The following KLK9 variants were observed in gnomAD, a reference collection of about 807,000 sequenced individuals.
KLK9 encodes the protein kallikrein-9.
A neutral mutation model predicts 23.3 loss-of-function variants in KLK9; 26 were observed. That is an observed-to-expected ratio of 1.12 (90% CI 0.82 to 1.55). The LOEUF (loss-of-function observed/expected upper bound fraction) is 1.55. KLK9 is among the 40% of genes most tolerant of loss of function. KLK9 has a pLI of 0.00. For synonymous variants in KLK9, 122 were observed against 128.5 expected (o/e 0.95, Z 0.34); for missense variants, 346 against 333.7 (o/e 1.04, Z -0.29).
At chr19:51,004,831 C>T (rs1156995365) in intron 3 of KLK9, among the ~76,000 whole-genome samples, 2 of 152,018 alleles carry the variant, frequency 1.3e-5, no homozygotes, top group East Asian at 1.9e-4. Flanking sequence ...GACAGAGATA[C>T]CAGATACAGT....
At chr19:51,003,624 C>T in intron 4 of KLK9, 80 bp downstream of exon 4, 1 of 1,282,800 alleles carries the variant, frequency 7.8e-7, no homozygotes, top group Non-Finnish European at 1.1e-6. Flanking sequence ...CCCAGGAAGG[C>T]TGGGGGCCGA....
Position 51,006,768 on chromosome 19 carries a change from G to C in KLK9, c.201-45C>G, listed in dbSNP as rs1466030710. On this transcript the variant is annotated intron_variant, in intron 2 of 4. Coordinates refer to ENST00000594211, the MANE Select transcript of KLK9 (RefSeq NM_012315.2). This position sits in a 1 kb window ranked among gnomAD's most constrained non-coding sequence, Gnocchi z 4.1. ...AGGTCAAGCTGGGGGAAAGGTAAAA[G>C]TCCTTTCAGCCCCAGCCCTCTTTTC... 6.6e-7 allele frequency: 1 copy of C among 1,512,408 alleles called. No individual in the cohort carries two copies. Among genetic ancestry groups the C allele is most frequent in the Non-Finnish European group, 8.9e-7 (1 of 1,129,272 alleles). 93.7% of individuals were successfully genotyped at this position (1,512,408 alleles called of 1,614,324 possible).
chr19:51,008,900 T>C (rs1460598726), intron 2 of KLK9, among the ~76,000 whole-genome samples: 1 of 152,224 alleles, frequency 6.6e-6, no homozygotes, highest in Non-Finnish European at 1.5e-5. Flanking sequence ...GCTGAGGCTA[T>C]TGCAGAATTT....
chr19:51,004,843 T>C (rs1297458590), intron 3 of KLK9, among the ~76,000 whole-genome samples: 1 of 152,120 alleles, frequency 6.6e-6, no homozygotes, highest in African/African-American at 2.4e-5. Flanking sequence ...AGATACAGTG[T>C]AGTCAGTATA....
In KLK9 at chr19:51,003,033, TG is replaced by T; in HGVS notation, c.*77del. The T allele has an allele frequency of 6.6e-7, 1 of 1,508,792 alleles. No individual in the cohort carries two copies. The highest frequency in any genetic ancestry group is 1.9e-5 in the Admixed American group (1 of 53,032). The allele number at this position is 1,508,792 out of a possible 1,614,324, so 93.5% of individuals were successfully genotyped here. A position where few individuals can be genotyped will look rare whatever the true frequency, so the allele number is the denominator to read the frequency against. ...GGTCCAGGGCGGGAACCATTGAGGC[TG>T]GGACCCTACGAGAACCCCCTACCCC... On this transcript the variant is annotated 3_prime_UTR_variant, in exon 5 of 5. Transcript: ENST00000594211.
At chr19:51,005,531 T>A (rs1285542917) in intron 3 of KLK9, among the ~76,000 whole-genome samples, 1 of 152,112 alleles carries the variant, frequency 6.6e-6, no homozygotes, top group Non-Finnish European at 1.5e-5. Context: ...GTATGGATGG[T>A]CACTTTTCAG....
In KLK9 at chr19:51,006,871, G is replaced by T; in HGVS notation, c.201-148C>A. Reference sequence around the variant, plus strand: ...CCCTCATCATCTATGTCTGGCCCAGGGTACTGTGATTTTAAGCGAGGCACA... The same window carrying T: ...CCCTCATCATCTATGTCTGGCCCAGTGTACTGTGATTTTAAGCGAGGCACA... On this transcript the variant is annotated intron_variant, in intron 2 of 4. Transcript: ENST00000594211. The surrounding 1 kb of genome is among the most constrained non-coding windows in gnomAD (Gnocchi z 4.1). 1.1e-6 allele frequency: 1 copy of T among 896,662 alleles called. No homozygotes were observed. 55.5% of individuals were successfully genotyped at this position (896,662 alleles called of 1,614,324 possible). A position where few individuals can be genotyped will look rare whatever the true frequency, so the allele number is the denominator to read the frequency against.
At chr19:51,008,469 G>A (rs2091264607) in intron 2 of KLK9, among the ~76,000 whole-genome samples, 1 of 151,894 alleles carries the variant, frequency 6.6e-6, no homozygotes, top group African/African-American at 2.4e-5. Flanking sequence ...AATATTCTAG[G>A]ATACTGTGAA....
chr19:51,008,521 T>C (rs1384462043), intron 2 of KLK9, among the ~76,000 whole-genome samples: 6 of 152,124 alleles, frequency 3.9e-5, no homozygotes, highest in Non-Finnish European at 7.4e-5. Context: ...TCAATGAATC[T>C]AGAAAGCTCT....
intron 2 of KLK9, among the ~76,000 whole-genome samples, chr19:51,007,996 C>G (rs28492075): frequency 1.3e-5 from 2 of 151,912 alleles, no homozygotes; most frequent in African/African-American, 2.4e-5. Context: ...TGAATTAAAT[C>G]TAAGATTTGA....
Position 51,006,510 on chromosome 19 carries a change from G to A in KLK9, c.414C>T (p.Ser138=). The part of the protein sequence containing the change: ...QPLNLSQTCV[S]PGMQCLISGW... ...CTGAGATGAGACACTGCATGCCTGG[G>A]GAGACACAGGTCTGGCTGAGGTTGA... The change falls in exon 3 of 5, where the codon TCC becomes TCT. Residue 138 remains serine, a synonymous_variant. Transcript: ENST00000594211. The surrounding 1 kb of genome is among the most constrained non-coding windows in gnomAD (Gnocchi z 4.1). 2 of 1,613,250 alleles carry A rather than the reference G, an allele frequency of 1.2e-6. No individual in the cohort carries two copies. The highest frequency in any genetic ancestry group is 1.7e-6 in the Non-Finnish European group (2 of 1,179,464).
chr19:51,002,585 T>TC lies in KLK9; in HGVS notation c.*525dup. On this transcript the variant is annotated 3_prime_UTR_variant, in exon 5 of 5. Coordinates refer to ENST00000594211, the MANE Select transcript of KLK9 (RefSeq NM_012315.2). ...AAGGTATCCAGACCCTCCCTCAATTTCCCCCCAGGTCTCCGCCAGGATTCA... is the reference window on the plus strand; with the variant it reads ...AAGGTATCCAGACCCTCCCTCAATTTCCCCCCCAGGTCTCCGCCAGGATTCA... 6.5e-6 allele frequency: 1 copy of TC among 153,086 alleles called. No homozygotes were observed. The highest frequency in any genetic ancestry group is 1.5e-5 in the Non-Finnish European group (1 of 68,870). The allele number at this position is 153,086 out of a possible 1,614,324, so 9.5% of individuals were successfully genotyped here.
intron 2 of KLK9, among the ~76,000 whole-genome samples, chr19:51,007,738 G>A (rs2091261145): frequency 6.6e-6 from 1 of 152,018 alleles, no homozygotes. Flanking sequence ...TACTCATGGA[G>A]GGAAGAAAAT....
At chr19:51,003,863 A>G in intron 3 of KLK9, 23 bp from the exon 4 acceptor site, 1 of 1,610,494 alleles carries the variant, frequency 6.2e-7, no homozygotes, top group Non-Finnish European at 8.5e-7. Flanking sequence ...AGAACTGTCA[A>G]GGATCTGCAA....
rs374641889 is a variant in KLK9, at chr19:51,002,900, T to C, written c.*211A>G. The C allele has an allele frequency of 7.1e-6, 4 of 564,652 alleles. No individual in the cohort carries two copies. The highest frequency in any genetic ancestry group is 5.6e-5 in the South Asian group (2 of 35,486). The allele number at this position is 564,652 out of a possible 1,614,324, so 35.0% of individuals were successfully genotyped here. A position where few individuals can be genotyped will look rare whatever the true frequency, so the allele number is the denominator to read the frequency against. On this transcript the variant is annotated 3_prime_UTR_variant, in exon 5 of 5. Coordinates refer to ENST00000594211, the MANE Select transcript of KLK9 (RefSeq NM_012315.2). ...ATAGAGACGGGCTCTGAAGGGCGTG[T>C]CCCTGCTCCGTTCCGAGGGGGCGCG...
Position 51,009,280 on chromosome 19 carries a change from G to C in KLK9, c.103C>G (p.Pro35Ala), listed in dbSNP as rs142241854. 4.3e-4 allele frequency: 694 copies of C among 1,604,110 alleles called. No homozygotes were observed. The highest frequency in any genetic ancestry group is 1.1e-3 in the South Asian group (102 of 89,198). ...GAEECRPNSQ[P>A]WQAGLFHLTR... is the part of the protein sequence containing the mutation. Reference sequence around the variant, plus strand: ...AGGTGGAAGAGGCCGGCCTGCCAAGGCTGGGAGTTGGGGCGACATTCCTCG... The same window carrying C: ...AGGTGGAAGAGGCCGGCCTGCCAAGCCTGGGAGTTGGGGCGACATTCCTCG... Residue 35 changes from proline to alanine, a missense_variant, in exon 2 of 5, where the codon CCT becomes GCT. Coordinates refer to ENST00000594211, the MANE Select transcript of KLK9 (RefSeq NM_012315.2). This position sits in a 1 kb window ranked among gnomAD's most constrained non-coding sequence, Gnocchi z 4.8.
intron 3 of KLK9, among the ~76,000 whole-genome samples, chr19:51,005,465 C>A (rs11672663): frequency 0.067 from 10,238 of 152,120 alleles, 390 homozygotes; most frequent in African/African-American, 0.11. Flanking sequence ...AAATTCCCAC[C>A]CAGCATCTTT....
chr19:51,008,444 A>C (rs1784448483), intron 2 of KLK9, among the ~76,000 whole-genome samples: 2 of 152,198 alleles, frequency 1.3e-5, no homozygotes, highest in South Asian at 4.2e-4. Context: ...AAGACTACAG[A>C]ATTATCTGAA....
intron 3 of KLK9, 22 bp from the exon 4 acceptor site, chr19:51,003,862 A>G (rs1216715304): frequency 6.2e-7 from 1 of 1,610,436 alleles, no homozygotes; most frequent in Non-Finnish European, 8.5e-7. Context: ...GAGAACTGTC[A>G]AGGATCTGCA....
Sources: gnomAD v4.1 joint callset for allele counts (sites outside exome capture counted in the v4.1 genomes callset) on GRCh38, gnomAD v4.1.1 for gene constraint, Gnocchi (gnomAD v3.1) non-coding constraint, MANE v1.5 for transcripts, NCBI Gene and HGNC (gene_info 2026-07-23, HGNC 2026-07-21) for gene names.